Variants in RYR3 observed in about 807,000 individuals in gnomAD.
The protein encoded by RYR3 is brain ryanodine receptor-calcium release channel.
RYR3 carries 207 observed loss-of-function variants against 584.3 expected under a neutral mutation model. The observed-to-expected ratio is 0.35, with a 90% CI of 0.32 to 0.40. RYR3 has a LOEUF of 0.40. Among genes scored for constraint, RYR3 ranks in the 10% least tolerant of loss-of-function variants. RYR3 has a pLI of 1.00. For missense variants in RYR3, 5,616 were observed against 6,089.2 expected (o/e 0.92, Z 2.59); for synonymous variants, 2,416 against 2,248.5 (o/e 1.07, Z -2.11).
At position 33,545,539 on chromosome 15, in the gene RYR3, G is replaced by A. The variant is rs556356174; in HGVS notation, c.740+1824G>A. The stretch of plus-strand genomic sequence containing the variant: ...AAAATAAGAAGGCTTATTTTATAAG[G>A]AAGCGTGAAGGGTTTGAGACTGGGG... On this transcript the variant is annotated intron_variant, in intron 8 of 103. Coordinates refer to ENST00000634891, the MANE Select transcript of RYR3 (RefSeq NM_001036.6). 4.0e-4 allele frequency among the ~76,000 whole-genome samples: 61 copies of A among 152,196 alleles called. No individual in the cohort carries two copies. In the South Asian group the frequency reaches 0.011, roughly 28 times the overall value.
intron 2 of RYR3, among the ~76,000 whole-genome samples, chr15:33,490,409 C>T (rs2050865104): frequency 6.6e-6 from 1 of 152,188 alleles, no homozygotes; most frequent in Non-Finnish European, 1.5e-5. Flanking sequence ...TTTAATACTT[C>T]ACTGTACATC....
rs1225133211 is a variant in RYR3, at chr15:33,603,361, T to G, written c.2161T>G (p.Ser721Ala). ...TGGCTTTGATGGACTTCACCTTTGGTCAGGTGAGTACCTTGCTAAAGCTTT... is the reference window on the plus strand; with the variant it reads ...TGGCTTTGATGGACTTCACCTTTGGGCAGGTGAGTACCTTGCTAAAGCTTT... ...SYGFDGLHLWSGRIPRAVASI... is the reference protein window; with the variant it reads ...SYGFDGLHLWAGRIPRAVASI... Residue 721 changes from serine (S) to alanine (A), a missense_variant, in exon 18 of 104, where the codon TCA becomes GCA. Physicochemically the swap from Ser to Ala is moderately conservative, Grantham distance 99. Coordinates refer to ENST00000634891, the MANE Select transcript of RYR3 (RefSeq NM_001036.6). The G allele has an allele frequency of 1.9e-6, 3 of 1,585,098 alleles. No homozygotes were observed. Among genetic ancestry groups the G allele is most frequent in the Non-Finnish European group, 2.6e-6 (3 of 1,164,544 alleles).
At chr15:33,534,592 G>A (rs998290667) in intron 5 of RYR3, among the ~76,000 whole-genome samples, 2 of 152,100 alleles carry the variant, frequency 1.3e-5, no homozygotes, top group African/African-American at 4.8e-5. Flanking sequence ...GGATGGCACA[G>A]GTTCTCACTG....
At chr15:33,822,004 T>C (rs1470596577) in intron 80 of RYR3, among the ~76,000 whole-genome samples, 1 of 150,310 alleles carries the variant, frequency 6.7e-6, no homozygotes, top group Non-Finnish European at 1.5e-5. Context: ...AAACCTGTTA[T>C]TCGTTCGTTC....
intron 93 of RYR3, 37 bp downstream of exon 93, chr15:33,845,099 T>C (rs1432258673): frequency 2.5e-6 from 4 of 1,603,658 alleles, no homozygotes; most frequent in South Asian, 2.2e-5. Flanking sequence ...ATCTCACTCC[T>C]TGAGGAAGAA....
chr15:33,857,427 TCA>T (rs546300978), intron 98 of RYR3, among the ~76,000 whole-genome samples: 119 of 152,128 alleles, frequency 7.8e-4, no homozygotes, highest in Non-Finnish European at 1.6e-3. Context: ...CTTAACAACC[TCA>T]GTTTAACTTA....
intron 37 of RYR3, among the ~76,000 whole-genome samples, chr15:33,669,857 G>GGGGGGGGGGGGGGGGGGGGGGT (rs1555401713): frequency 1.7e-5 from 1 of 60,218 alleles, no homozygotes; most frequent in Non-Finnish European, 3.1e-5. Flanking sequence ...GGGGGGGGGG[G>GGGGGGGGGGGGGGGGGGGGGGT]GTGTGGGTGT....
intron 1 of RYR3, among the ~76,000 whole-genome samples, chr15:33,395,612 C>T (rs1223652193): frequency 6.6e-6 from 1 of 152,194 alleles, no homozygotes; most frequent in Non-Finnish European, 1.5e-5. Context: ...CAGGCAGGCA[C>T]TCTGCTAAGT....
At chr15:33,758,229 A>C (rs1206086508) in intron 60 of RYR3, among the ~76,000 whole-genome samples, 1 of 152,148 alleles carries the variant, frequency 6.6e-6, no homozygotes, top group Non-Finnish European at 1.5e-5. Context: ...TCGGGCAGAC[A>C]CTGAGCTAGC....
At chr15:33,659,281 C>T (rs114630713) in intron 32 of RYR3, among the ~76,000 whole-genome samples, 101 of 152,328 alleles carry the variant, frequency 6.6e-4, no homozygotes, top group African/African-American at 2.4e-3. Flanking sequence ...CCTGAGTCAC[C>T]ACCCTATCCC....
rs892437858 is a variant in RYR3, at chr15:33,722,832, G to A, written c.6737G>A (p.Gly2246Asp). 6.2e-7 allele frequency: 1 copy of A among 1,611,852 alleles called. No individual in the cohort carries two copies. Among genetic ancestry groups the A allele is most frequent in the Non-Finnish European group, 8.5e-7 (1 of 1,179,056 alleles). The change falls in exon 44 of 104, where the codon GGT becomes GAT. Residue 2246 changes from glycine to aspartate, a missense_variant. Physicochemically the swap from Gly to Asp is moderately conservative, Grantham distance 94. This residue lies in a region of RYR3 where 1,280 missense variants were observed against 1,426.2 expected (regional missense o/e 0.90). Coordinates refer to ENST00000634891, the MANE Select transcript of RYR3 (RefSeq NM_001036.6). The stretch of plus-strand genomic sequence containing the variant: ...AACGGGCTCTTGGCAGCCATGCAGG[G>A]TGCCATTAAGATCTCTGAGAACCCA... ...GGNGLLAAMQ[G>D]AIKISENPAL...
chr15:33,535,204 G>A (rs2055223977), intron 5 of RYR3, among the ~76,000 whole-genome samples: 1 of 152,200 alleles, frequency 6.6e-6, no homozygotes. Context: ...CTAAAGCTAG[G>A]TCAGTTCATA....
Position 33,717,661 on chromosome 15 carries a change from C to T in RYR3, c.6620-5054C>T, listed in dbSNP as rs567595563. 2.6e-5 allele frequency among the ~76,000 whole-genome samples: 4 copies of T among 152,288 alleles called. No homozygotes were observed. In the East Asian group the frequency reaches 7.7e-4, roughly 29 times the overall value. ...ATCTGCTACATAATAACTTCATAAT[C>T]TCAAAGGCATAAAATAATAAGCATT... is the stretch of plus-strand genomic sequence containing the variant. On this transcript the variant is annotated intron_variant, in intron 43 of 103. Transcript: ENST00000634891.
intron 8 of RYR3, among the ~76,000 whole-genome samples, chr15:33,546,777 A>C (rs2056273457): frequency 6.6e-6 from 1 of 152,170 alleles, no homozygotes; most frequent in Admixed American, 6.5e-5. Context: ...CATATTTTGA[A>C]TCGACTCATA....
At chr15:33,551,597 A>G (rs185926063) in intron 10 of RYR3, among the ~76,000 whole-genome samples, 1 of 151,896 alleles carries the variant, frequency 6.6e-6, no homozygotes, top group Non-Finnish European at 1.5e-5. Context: ...GGCTTTTTTC[A>G]TATCTTTATT....
At chr15:33,520,114 T>C (rs2053867900) in intron 3 of RYR3, among the ~76,000 whole-genome samples, 1 of 152,140 alleles carries the variant, frequency 6.6e-6, no homozygotes, top group Non-Finnish European at 1.5e-5. Flanking sequence ...GGGAGGAGGA[T>C]CAGATAACAA....
intron 49 of RYR3, among the ~76,000 whole-genome samples, chr15:33,737,428 A>G (rs2069594319): frequency 6.6e-6 from 1 of 152,226 alleles, no homozygotes; most frequent in Non-Finnish European, 1.5e-5. Context: ...CCCATATGCA[A>G]AAGTGTTAGC....
chr15:33,601,352 T>A, intron 16 of RYR3, 67 bp from the exon 17 acceptor site: 1 of 1,529,080 alleles, frequency 6.5e-7, no homozygotes, highest in Non-Finnish European at 9.0e-7. Flanking sequence ...CCCTCATGCA[T>A]TGTGGTGGTC....
At chr15:33,345,815 C>T (rs1972392565) in intron 1 of RYR3, among the ~76,000 whole-genome samples, 1 of 152,200 alleles carries the variant, frequency 6.6e-6, no homozygotes, top group Non-Finnish European at 1.5e-5. Flanking sequence ...AAAGTTTAAC[C>T]ATTACTGAAA....
Sources: allele counts gnomAD v4.1 joint callset (sites outside exome capture counted in the v4.1 genomes callset), GRCh38; gene constraint gnomAD v4.1.1; regional missense constraint gnomAD v4.1.1; transcripts MANE v1.5; gene names NCBI Gene and HGNC (gene_info 2026-07-23, HGNC 2026-07-21).